Variants in MTRES1 observed in about 807,000 individuals in gnomAD.
MTRES1 encodes the protein uncharacterized protein C6orf203.
In MTRES1, 11 loss-of-function variants were observed where a neutral mutation model predicts 17.4. The observed-to-expected ratio is 0.63, with a 90% CI of 0.40 to 1.05. The LOEUF is 1.05. Among genes scored for constraint, MTRES1 ranks in the 50% least tolerant of loss-of-function variants. The pLI is 0.00. For synonymous variants in MTRES1, 94 were observed against 99.6 expected (o/e 0.94, Z 0.34); for missense variants, 268 against 276.2 (o/e 0.97, Z 0.21).
intron 1 of MTRES1, among the ~76,000 whole-genome samples, chr6:107,038,991 T>C (rs1407093033): frequency 6.6e-6 from 1 of 151,720 alleles, no homozygotes; most frequent in African/African-American, 2.4e-5. Flanking sequence ...GAGGCGGAGG[T>C]TGCAGTGAGC....
Position 107,028,237 on chromosome 6 carries a change from G to T in MTRES1, c.-47G>T, listed in dbSNP as rs781881134. ...TAGCCTGGAGGCCTGCAGTCCGCGC[G>T]GCCGCGGGGAGGGACGAGAGGGCCT... On this transcript the variant is annotated 5_prime_UTR_variant, in exon 1 of 4. Coordinates refer to ENST00000311381, the MANE Select transcript of MTRES1 (RefSeq NM_016487.5). The T allele has an allele frequency of 6.6e-6, 1 of 152,176 alleles. No homozygotes were observed. Among genetic ancestry groups the T allele is most frequent in the Non-Finnish European group, 1.5e-5 (1 of 68,046 alleles). 9.4% of individuals were successfully genotyped at this position (152,176 alleles called of 1,614,324 possible). A position where few individuals can be genotyped will look rare whatever the true frequency, so the allele number is the denominator to read the frequency against.
intron 3 of MTRES1, among the ~76,000 whole-genome samples, chr6:107,050,551 C>CTTTTTTTTTTTTTTTTT (rs142268482): frequency 6.1e-5 from 5 of 81,516 alleles, no homozygotes; most frequent in Non-Finnish European, 1.1e-4. Context: ...CTCTCCCTTT[C>CTTTTTTTTTTTTTTTTT]TTTTTTTTTT....
chr6:107,029,274 G>T (rs1166371608), intron 1 of MTRES1, among the ~76,000 whole-genome samples: 1 of 150,098 alleles, frequency 6.7e-6, no homozygotes, highest in Admixed American at 6.7e-5. Flanking sequence ...TGCAAGCTCC[G>T]CCTCCCGGGT....
chr6:107,051,376 T>G lies in MTRES1; in HGVS notation c.*140T>G. ...GCCATTTTGTGGAAATTGGGATCCATATCTGGAGACACTTCCCAAGGCCTG... is the reference window on the plus strand; with the variant it reads ...GCCATTTTGTGGAAATTGGGATCCAGATCTGGAGACACTTCCCAAGGCCTG... On this transcript the variant is annotated 3_prime_UTR_variant, in exon 4 of 4. Transcript: ENST00000311381. The G allele has an allele frequency of 4.2e-6, 3 of 712,656 alleles. No homozygotes were observed. Among genetic ancestry groups the G allele is most frequent in the Admixed American group, 3.0e-5 (1 of 33,398 alleles). 44.1% of individuals were successfully genotyped at this position (712,656 alleles called of 1,614,324 possible).
intron 1 of MTRES1, among the ~76,000 whole-genome samples, chr6:107,033,789 G>A (rs540000311): frequency 6.6e-6 from 1 of 152,090 alleles, no homozygotes; most frequent in Non-Finnish European, 1.5e-5. Flanking sequence ...ATGCACTCCA[G>A]CCTGGGCGAC....
chr6:107,047,434 G>A (rs979608722), intron 3 of MTRES1, among the ~76,000 whole-genome samples: 4 of 151,412 alleles, frequency 2.6e-5, no homozygotes, highest in East Asian at 2.0e-4. Flanking sequence ...GGTCCAGGCT[G>A]GTCTTAAACT....
At chr6:107,047,174 GA>G (rs1774422279) in intron 3 of MTRES1, among the ~76,000 whole-genome samples, 1 of 152,042 alleles carries the variant, frequency 6.6e-6, no homozygotes, top group Non-Finnish European at 1.5e-5. Flanking sequence ...GTATCTCTAT[GA>G]AAGGATATAC....
intron 1 of MTRES1, among the ~76,000 whole-genome samples, chr6:107,032,847 G>T (rs539729707): frequency 2.6e-5 from 4 of 152,140 alleles, no homozygotes; most frequent in Non-Finnish European, 4.4e-5. Flanking sequence ...CCCATAGCTC[G>T]GTTTCAGGCC....
chr6:107,036,547 A>T (rs1272261939), intron 1 of MTRES1, among the ~76,000 whole-genome samples: 2 of 151,728 alleles, frequency 1.3e-5, no homozygotes, highest in Non-Finnish European at 2.9e-5. Context: ...ATCTCAAAAA[A>T]AGTTGTTTAA....
intron 1 of MTRES1, among the ~76,000 whole-genome samples, chr6:107,033,384 A>AT (rs61424162): frequency 0.3 from 43,237 of 144,680 alleles, 6,451 homozygotes; most frequent in East Asian, 0.35. Flanking sequence ...TCAGTAGTAG[A>AT]TTTTTTTTTT....
rs1774600521 is a variant in MTRES1, at chr6:107,051,353, C to T, written c.*117C>T. On this transcript the variant is annotated 3_prime_UTR_variant, in exon 4 of 4. Transcript: ENST00000311381. ...TTAGCGTTTGTGGAATCTGCCGAGC[C>T]ATTTTGTGGAAATTGGGATCCATAT... 1.1e-6 allele frequency: 1 copy of T among 946,664 alleles called. No homozygotes were observed. 58.6% of individuals were successfully genotyped at this position (946,664 alleles called of 1,614,324 possible). A position where few individuals can be genotyped will look rare whatever the true frequency, so the allele number is the denominator to read the frequency against.
chr6:107,045,458 T>C (rs1474866151), intron 3 of MTRES1, among the ~76,000 whole-genome samples: 1 of 148,886 alleles, frequency 6.7e-6, no homozygotes, highest in Non-Finnish European at 1.5e-5. Flanking sequence ...CACTCCAGCC[T>C]GGGCGACAGA....
intron 3 of MTRES1, among the ~76,000 whole-genome samples, chr6:107,050,223 T>C (rs1351244868): frequency 2.0e-5 from 3 of 152,260 alleles, no homozygotes; most frequent in African/African-American, 7.2e-5. Flanking sequence ...CTCAGCCTTT[T>C]AACCCATTGA....
intron 3 of MTRES1, 96 bp downstream of exon 3, chr6:107,044,428 C>T: frequency 1.1e-6 from 1 of 940,654 alleles, no homozygotes; most frequent in South Asian, 1.5e-5. Flanking sequence ...TCTGGCTCCT[C>T]TTCTTTCTCT....
intron 1 of MTRES1, among the ~76,000 whole-genome samples, chr6:107,039,423 G>A (rs1214387318): frequency 6.6e-6 from 1 of 152,060 alleles, no homozygotes; most frequent in East Asian, 1.9e-4. Flanking sequence ...GGGTTCAAGT[G>A]ATTCTCCTGC....
intron 3 of MTRES1, among the ~76,000 whole-genome samples, chr6:107,046,602 C>T (rs879946593): frequency 2.6e-4 from 39 of 152,284 alleles, no homozygotes; most frequent in Admixed American, 7.9e-4. Flanking sequence ...GGACAGGGGC[C>T]GTGGAGGGGA....
chr6:107,037,585 TA>T (rs1774054405), intron 1 of MTRES1, among the ~76,000 whole-genome samples: 1 of 152,252 alleles, frequency 6.6e-6, no homozygotes, highest in African/African-American at 2.4e-5. Context: ...AAGGCATTTT[TA>T]TGAATGGGTA....
chr6:107,037,059 G>A (rs782231709), intron 1 of MTRES1, among the ~76,000 whole-genome samples: 48 of 151,820 alleles, frequency 3.2e-4, no homozygotes, highest in Non-Finnish European at 5.4e-4. Flanking sequence ...GGATACAGGC[G>A]TGAGCCACTG....
Position 107,044,302 on chromosome 6 carries a change from T to G in MTRES1, c.513T>G (p.Asn171Lys). The change falls in exon 3 of 4, where the codon AAT (asparagine) becomes AAG (lysine). Residue 171 changes from asparagine to lysine, a missense_variant. Transcript: ENST00000311381. ...DAFYKGELRL[N>K]EEKLWKKSRT... is the part of the protein sequence containing the mutation. ...TCTACAAAGGTGAACTCAGGCTGAA[T>G]GAGGAAAAATTATGGAAGAAAAGCA... 1 of 1,613,994 alleles carries G rather than the reference T, an allele frequency of 6.2e-7. No homozygotes were observed. Among genetic ancestry groups the G allele is most frequent in the Non-Finnish European group, 8.5e-7 (1 of 1,179,898 alleles).
Sources: gnomAD v4.1 joint callset for allele counts (sites outside exome capture counted in the v4.1 genomes callset) on GRCh38, gnomAD v4.1.1 for gene constraint, MANE v1.5 for transcripts, NCBI Gene and HGNC (gene_info 2026-07-23, HGNC 2026-07-21) for gene names.